The following CSMD1 variants were observed in gnomAD, a reference collection of about 807,000 sequenced individuals.
The protein encoded by CSMD1 is CUB and Sushi multiple domains 1, also known as CUB and sushi domain-containing protein 1.
A neutral mutation model predicts 417.5 loss-of-function variants in CSMD1; 213 were observed. That is an observed-to-expected ratio of 0.51 (90% CI 0.46 to 0.57). CSMD1 has a LOEUF of 0.57. Ranked by LOEUF, CSMD1 falls within the 20% of genes least tolerant of loss-of-function variation. The pLI is 0.00. For missense variants in CSMD1, 6,923 were observed against 4,529.7 expected, an observed-to-expected ratio of 1.53 and a Z score of -15.17; for synonymous variants, 2,862 against 1,736.8, an observed-to-expected ratio of 1.65 and a Z score of -16.11.
At chr8:3,585,130 T>C (rs1166381826) in intron 9 of CSMD1, among the ~76,000 whole-genome samples, 1 of 152,080 alleles carries the variant, frequency 6.6e-6, no homozygotes, top group Non-Finnish European at 1.5e-5. Context: ...GACTGACCCC[T>C]AGTGGTTATA....
chr8:3,156,041 T>C (rs1246474572), intron 39 of CSMD1, among the ~76,000 whole-genome samples: 1 of 152,224 alleles, frequency 6.6e-6, no homozygotes, highest in Non-Finnish European at 1.5e-5. Context: ...AGACAGTAAT[T>C]ACCTCGCTTT....
At chr8:3,265,684 T>C (rs1037062238) in intron 26 of CSMD1, among the ~76,000 whole-genome samples, 3 of 152,200 alleles carry the variant, frequency 2.0e-5, no homozygotes, top group African/African-American at 4.8e-5. Context: ...TTTATTCTAA[T>C]ATAAGTGAGA....
chr8:3,061,820 C>A (rs1347314856), intron 49 of CSMD1, among the ~76,000 whole-genome samples: 9 of 152,148 alleles, frequency 5.9e-5, no homozygotes, highest in Non-Finnish European at 1.3e-4. Flanking sequence ...CTTGGTAACA[C>A]CCTACAAGAT....
chr8:3,707,639 G>T (rs976780483), intron 7 of CSMD1, among the ~76,000 whole-genome samples: 1 of 152,104 alleles, frequency 6.6e-6, no homozygotes, highest in Admixed American at 6.5e-5. Context: ...AAGGTCGTGT[G>T]GGGAGCAAAA....
chr8:4,161,032 G>A lies in CSMD1; in HGVS notation c.416-128933C>T, dbSNP rs78720945. 1.2e-3 allele frequency among the ~76,000 whole-genome samples: 180 copies of A among 151,828 alleles called. 1 individual carries two copies. Among genetic ancestry groups the A allele is most frequent in the African/African-American group, 3.6e-3 (148 of 41,394 alleles). Reference sequence around the variant, plus strand: ...CTTCTTCTGGTTTGCATTAAATCACGGCACTTCTTAAAAACTGAGCAGTCC... The same window carrying A: ...CTTCTTCTGGTTTGCATTAAATCACAGCACTTCTTAAAAACTGAGCAGTCC... On this transcript the variant is annotated intron_variant, in intron 3 of 69. Coordinates refer to ENST00000635120, the MANE Select transcript of CSMD1 (RefSeq NM_033225.6).
At chr8:3,016,554 T>C (rs931061880) in intron 52 of CSMD1, among the ~76,000 whole-genome samples, 30 of 152,254 alleles carry the variant, frequency 2.0e-4, no homozygotes, top group Admixed American at 9.8e-4. Flanking sequence ...ACTATATTTA[T>C]TAACTTTCAA....
At position 4,328,443 on chromosome 8, in the gene CSMD1, C is replaced by T. The variant is rs541370135; in HGVS notation, c.415+91510G>A. Among the ~76,000 whole-genome samples the T allele has an allele frequency of 5.2e-4, 79 of 151,806 alleles. 1 individual carries two copies. The highest frequency in any genetic ancestry group is 1.9e-3 in the Admixed American group (29 of 15,242). On this transcript the variant is annotated intron_variant, in intron 3 of 69. Coordinates refer to ENST00000635120, the MANE Select transcript of CSMD1 (RefSeq NM_033225.6). ...TTAATTTCTTAATTTATACAAATTT[C>T]GGTTGTCACACATAAGGTAACAGTT...
chr8:4,831,287 G>A (rs191488168), intron 1 of CSMD1, among the ~76,000 whole-genome samples: 3 of 152,192 alleles, frequency 2.0e-5, no homozygotes, highest in African/African-American at 7.2e-5. Context: ...TGCTCCACTG[G>A]GAGTCTTTAC....
chr8:4,387,443 G>A (rs965798151), intron 3 of CSMD1, among the ~76,000 whole-genome samples: 2 of 151,194 alleles, frequency 1.3e-5, no homozygotes, highest in Non-Finnish European at 3.0e-5. Context: ...GTCAAGATAT[G>A]CTTGGTCTCC....
intron 1 of CSMD1, among the ~76,000 whole-genome samples, chr8:4,947,984 T>C (rs1400519201): frequency 3.3e-5 from 5 of 152,090 alleles, no homozygotes; most frequent in Non-Finnish European, 7.4e-5. Context: ...CATAAAAAAA[T>C]CTGCTGTATG....
chr8:3,370,273 G>A (rs747674815), intron 18 of CSMD1, among the ~76,000 whole-genome samples: 2 of 152,260 alleles, frequency 1.3e-5, no homozygotes, highest in East Asian at 1.9e-4. Flanking sequence ...ATGAATGGAA[G>A]CACTGAACTG....
At chr8:3,851,950 A>G (rs961870854) in intron 5 of CSMD1, among the ~76,000 whole-genome samples, 1 of 152,158 alleles carries the variant, frequency 6.6e-6, no homozygotes, top group Non-Finnish European at 1.5e-5. Context: ...TGTGAGCTAG[A>G]GAGATAGCAG....
At chr8:3,920,874 T>C (rs977885746) in intron 5 of CSMD1, among the ~76,000 whole-genome samples, 1 of 152,158 alleles carries the variant, frequency 6.6e-6, no homozygotes, top group Non-Finnish European at 1.5e-5. Context: ...TTCATTTTGC[T>C]AGTGTTTTGT....
rs116091933 is a variant in CSMD1, at chr8:3,577,149, T to G, written c.1223-2083A>C. ...AGATCCCTAAAGCTGGCCCCGCCCA[T>G]GGCTTTGTGTCCTAGGTGCCTGCTG... On this transcript the variant is annotated intron_variant, in intron 9 of 69. Coordinates refer to ENST00000635120, the MANE Select transcript of CSMD1 (RefSeq NM_033225.6). 1.7e-3 allele frequency among the ~76,000 whole-genome samples: 253 copies of G among 152,364 alleles called. 2 individuals are homozygous for G. Among genetic ancestry groups the G allele is most frequent in the African/African-American group, 5.8e-3 (240 of 41,588 alleles).
intron 21 of CSMD1, among the ~76,000 whole-genome samples, chr8:3,355,083 G>C (rs532533348): frequency 1.4e-4 from 21 of 152,066 alleles, no homozygotes; most frequent in African/African-American, 4.8e-4. Context: ...CTGAGGATAA[G>C]GGTGTTGATA....
At chr8:4,516,751 C>T (rs1029696373) in intron 2 of CSMD1, among the ~76,000 whole-genome samples, 5 of 152,162 alleles carry the variant, frequency 3.3e-5, no homozygotes, top group African/African-American at 1.2e-4. Context: ...ACAACAAGGT[C>T]CCTTTGCATT....
At chr8:4,975,329 G>C (rs775334930) in intron 1 of CSMD1, among the ~76,000 whole-genome samples, 2 of 152,182 alleles carry the variant, frequency 1.3e-5, no homozygotes, top group African/African-American at 4.8e-5. Flanking sequence ...TGAGTTAAAA[G>C]CATTGGCAAT....
chr8:4,840,263 A>C (rs1800764932), intron 1 of CSMD1, among the ~76,000 whole-genome samples: 2 of 74,368 alleles, frequency 2.7e-5, no homozygotes, highest in African/African-American at 8.2e-5. Context: ...CTTTCAGGTA[A>C]AGTATTCCTG....
intron 10 of CSMD1, among the ~76,000 whole-genome samples, chr8:3,566,450 C>A: frequency 6.6e-6 from 1 of 152,218 alleles, no homozygotes; most frequent in East Asian, 1.9e-4. Flanking sequence ...TAGGGACCAC[C>A]GTACCGCTCC....
Sources: allele counts gnomAD v4.1 joint callset (sites outside exome capture counted in the v4.1 genomes callset), GRCh38; gene constraint gnomAD v4.1.1; transcripts MANE v1.5; gene names NCBI Gene and HGNC (gene_info 2026-07-23, HGNC 2026-07-21).